The following FTCDNL1 variants were observed in gnomAD, a reference collection of about 807,000 sequenced individuals.
The protein encoded by FTCDNL1 is formiminotransferase cyclodeaminase N-terminal like, also known as formiminotransferase N-terminal subdomain-containing protein.
Under a neutral mutation model 5.9 loss-of-function variants are expected in FTCDNL1, and 11 were observed. That is an observed-to-expected ratio of 1.87 (90% confidence interval 1.18 to 3.10). FTCDNL1 has a LOEUF of 3.10. FTCDNL1 is among the 30% of genes most tolerant of loss of function. FTCDNL1 has a pLI of 0.00. For synonymous variants in FTCDNL1, 58 were observed against 24.8 expected, an observed-to-expected ratio of 2.34 and a Z score of -3.99; for missense variants, 115 against 65.5, an observed-to-expected ratio of 1.76 and a Z score of -2.61.
the FTCDNL1 span, among the ~76,000 whole-genome samples, chr2:199,709,836 A>G: frequency 6.6e-6 from 1 of 152,158 alleles, no homozygotes; most frequent in African/African-American, 2.4e-5. Context: ...CATTCTTTAG[A>G]GAAAAATCTT....
At chr2:199,737,522 C>A in the FTCDNL1 span, among the ~76,000 whole-genome samples, 2 of 152,140 alleles carry the variant, frequency 1.3e-5, no homozygotes, top group Admixed American at 6.6e-5. Flanking sequence ...AGAAAGGTTA[C>A]CTGGAATTAT....
chr2:199,841,115 C>T (rs943192290), intron 3 of FTCDNL1, among the ~76,000 whole-genome samples: 5 of 151,670 alleles, frequency 3.3e-5, no homozygotes, highest in African/African-American at 9.7e-5. Flanking sequence ...CATGCCACTG[C>T]ACTCCAGCCT....
At chr2:199,804,390 A>T (rs1258230164), downstream of FTCDNL1, among the ~76,000 whole-genome samples, 1 of 152,256 alleles carries the variant, frequency 6.6e-6, no homozygotes, top group African/African-American at 2.4e-5. Flanking sequence ...ACAAGGAAAG[A>T]CAAGTAACTA....
intron 3 of FTCDNL1, among the ~76,000 whole-genome samples, chr2:199,831,629 T>TATTGGTTTATACATGTAC (rs1702377321): frequency 6.6e-6 from 1 of 152,044 alleles, no homozygotes; most frequent in African/African-American, 2.4e-5. Flanking sequence ...TATACATGTA[T>TATTGGTTTATACATGTAC]GTAAGTAAAG....
intron 3 of FTCDNL1, among the ~76,000 whole-genome samples, chr2:199,837,724 T>TA (rs1702850337): frequency 6.6e-6 from 1 of 152,196 alleles, no homozygotes; most frequent in African/African-American, 2.4e-5. Context: ...GTTTTATATA[T>TA]TTTTTTAAAA....
At chr2:199,736,042 A>G in the FTCDNL1 span, among the ~76,000 whole-genome samples, 9 of 152,290 alleles carry the variant, frequency 5.9e-5, no homozygotes, top group African/African-American at 2.2e-4. Context: ...TGCCAACCCC[A>G]ATTAGCTTTG....
At chr2:199,681,960 T>A in the FTCDNL1 span, among the ~76,000 whole-genome samples, 1 of 151,938 alleles carries the variant, frequency 6.6e-6, no homozygotes, top group Non-Finnish European at 1.5e-5. Flanking sequence ...CAAAATTTGG[T>A]TGCCCAAAGA....
the FTCDNL1 span, among the ~76,000 whole-genome samples, chr2:199,688,754 G>T: frequency 6.6e-6 from 1 of 152,200 alleles, no homozygotes; most frequent in African/African-American, 2.4e-5. Flanking sequence ...CTAAAATTCT[G>T]TGGACTATCA....
intron 3 of FTCDNL1, among the ~76,000 whole-genome samples, chr2:199,765,556 A>ATATCTTTTTTTTTTT: frequency 2.3e-5 from 1 of 42,656 alleles, no homozygotes; most frequent in Non-Finnish European, 4.8e-5. Context: ...ATATATATAT[A>ATATCTTTTTTTTTTT]TTTTTTTTTT....
chr2:199,826,135 G>C (rs1391338503), intron 3 of FTCDNL1, among the ~76,000 whole-genome samples: 1 of 152,168 alleles, frequency 6.6e-6, no homozygotes, highest in Admixed American at 6.5e-5. Flanking sequence ...TGGAGCTACA[G>C]TTCTGTAGCA....
the FTCDNL1 span, among the ~76,000 whole-genome samples, chr2:199,711,843 A>C: frequency 6.6e-6 from 1 of 152,140 alleles, no homozygotes; most frequent in African/African-American, 2.4e-5. Flanking sequence ...GAGAGTCATG[A>C]TGAGAAGGTC....
chr2:199,822,360 T>C (rs1701747916), intron 3 of FTCDNL1, among the ~76,000 whole-genome samples: 1 of 152,186 alleles, frequency 6.6e-6, no homozygotes, highest in Admixed American at 6.5e-5. Flanking sequence ...GCTGAGATCA[T>C]GCCACTGTAC....
chr2:199,783,506 G>A (rs1174901052), intron 3 of FTCDNL1, among the ~76,000 whole-genome samples: 1 of 152,142 alleles, frequency 6.6e-6, no homozygotes, highest in Admixed American at 6.5e-5. Context: ...TTATCTCCAA[G>A]CTTCCTAGAG....
At chr2:199,819,461 A>C (rs1701548872) in intron 4 of FTCDNL1, 111 bp downstream of exon 4, 1 of 630,776 alleles carries the variant, frequency 1.6e-6, no homozygotes, top group Admixed American at 2.7e-5. Flanking sequence ...CCATTTCAAG[A>C]AGCAGCCACC....
chr2:199,839,086 T>C (rs1456558779), intron 3 of FTCDNL1, among the ~76,000 whole-genome samples: 1 of 151,444 alleles, frequency 6.6e-6, no homozygotes, highest in Admixed American at 6.6e-5. Flanking sequence ...ACACTTGGAG[T>C]GTCCATTCAG....
chr2:199,817,517 G>A (rs1001731654), intron 4 of FTCDNL1, among the ~76,000 whole-genome samples: 2 of 152,052 alleles, frequency 1.3e-5, no homozygotes, highest in Non-Finnish European at 2.9e-5. Flanking sequence ...CCAGGCACGG[G>A]GGGTCACGCC....
chr2:199,799,543 T>G (rs1475049366), intron 3 of FTCDNL1, among the ~76,000 whole-genome samples: 2 of 152,220 alleles, frequency 1.3e-5, no homozygotes, highest in Non-Finnish European at 2.9e-5. Context: ...CCAGAAAACC[T>G]CATCCGAAGT....
At chr2:199,682,804 T>C in the FTCDNL1 span, among the ~76,000 whole-genome samples, 3 of 152,232 alleles carry the variant, frequency 2.0e-5, no homozygotes, top group Non-Finnish European at 2.9e-5. Flanking sequence ...TAACATATAA[T>C]AGATTTCTCA....
chr2:199,765,556 A>ATATATATATATATATATATT, intron 3 of FTCDNL1, among the ~76,000 whole-genome samples: 1 of 42,658 alleles, frequency 2.3e-5, no homozygotes, highest in African/African-American at 6.4e-5. Context: ...ATATATATAT[A>ATATATATATATATATATATT]TTTTTTTTTT....
Sources: allele counts gnomAD v4.1 joint callset (sites outside exome capture counted in the v4.1 genomes callset), GRCh38; gene constraint gnomAD v4.1.1; transcripts MANE v1.5; gene names NCBI Gene and HGNC (gene_info 2026-07-23, HGNC 2026-07-21).